TRIM11: variants seen among roughly 807,000 people sequenced by gnomAD.
TRIM11 encodes E3 ubiquitin-protein ligase TRIM11.
Under a neutral mutation model 33.4 loss-of-function variants are expected in TRIM11, and 15 were observed. The ratio of observed to expected loss-of-function variants is 0.45; its 90% CI spans 0.30 to 0.69. TRIM11 has a LOEUF of 0.69. TRIM11 is among the 30% of genes least tolerant of loss of function. The probability of loss-of-function intolerance (pLI) is 0.08; values close to 1 mark genes in which losing one functional copy is unlikely to be tolerated. For missense variants in TRIM11, 499 were observed against 667.6 expected (o/e 0.75, Z 2.78); for synonymous variants, 281 against 302.6 (o/e 0.93, Z 0.74).
chr1:228,397,852 A>G (rs2074999958), intron 3 of TRIM11, among the ~76,000 whole-genome samples: 1 of 152,206 alleles, frequency 6.6e-6, no homozygotes, highest in Non-Finnish European at 1.5e-5. Context: ...GTCTCATAAG[A>G]AGGGGCGACT....
At position 228,394,752 on chromosome 1, in the gene TRIM11, T is replaced by C. The variant is rs572291808; in HGVS notation, c.1360A>G (p.Ile454Val). Residue 454 changes from isoleucine to valine, a missense_variant, in exon 6 of 6, where the codon ATC becomes GTC. By Grantham distance (29) the Ile-to-Val change is conservative (BLOSUM62 3). Coordinates refer to ENST00000284551, the MANE Select transcript of TRIM11 (RefSeq NM_145214.3). The surrounding 1 kb of genome is among the most constrained non-coding windows in gnomAD (Gnocchi z 6.2). Reference sequence around the variant, plus strand: ...CCGGACCCACCTTTCGGCCGGCAGATAGTCATCGGGGTCGGGCTGCTGGAC... The same window carrying C: ...CCGGACCCACCTTTCGGCCGGCAGACAGTCATCGGGGTCGGGCTGCTGGAC... ...PLSSSPTPMT[I>V]CRPKGGSGDT... 55 of 1,612,720 alleles carry C rather than the reference T, an allele frequency of 3.4e-5. No individual in the cohort carries two copies. In the South Asian group the frequency reaches 4.9e-4, roughly 15 times the overall value.
chr1:228,398,235 A>C, intron 3 of TRIM11, among the ~76,000 whole-genome samples: 1 of 152,216 alleles, frequency 6.6e-6, no homozygotes, highest in Non-Finnish European at 1.5e-5. Context: ...TCAGTAAGAC[A>C]TAATCCCAGA....
chr1:228,404,491 A>G (rs1656334602), intron 1 of TRIM11: 1 of 152,288 alleles, frequency 6.6e-6, no homozygotes, highest in South Asian at 2.1e-4. Flanking sequence ...TGTGGTTAAC[A>G]TAACCTAGGC....
chr1:228,396,638 G>T, intron 5 of TRIM11: 1 of 705,872 alleles, frequency 1.4e-6, no homozygotes, highest in South Asian at 1.5e-5. Flanking sequence ...AGTCTTATGG[G>T]ACTGAGCCCT....
Position 228,406,652 on chromosome 1 carries a change from G to A in TRIM11, c.-91C>T. On this transcript the variant is annotated 5_prime_UTR_variant, in exon 1 of 6. Transcript: ENST00000284551. The surrounding 1 kb of genome is among the most constrained non-coding windows in gnomAD (Gnocchi z 8.2). ...GCGGGGACGCGGGGTATCCGGGTGC[G>A]GCGGCGCAGGCTCGGGCACTCCGGG... The A allele has an allele frequency of 7.9e-7, 1 of 1,258,482 alleles. No homozygotes were observed. Among genetic ancestry groups the A allele is most frequent in the Non-Finnish European group, 1.0e-6 (1 of 984,554 alleles). The allele number at this position is 1,258,482 out of a possible 1,614,324, so 78.0% of individuals were successfully genotyped here. A position where few individuals can be genotyped will look rare whatever the true frequency, so the allele number is the denominator to read the frequency against.
At position 228,406,271 on chromosome 1, in the gene TRIM11, C is replaced by T. The variant is rs1656413251; in HGVS notation, c.291G>A (p.Glu97=). 4 of 1,494,758 alleles carry T rather than the reference C, an allele frequency of 2.7e-6. No homozygotes were observed. The highest frequency in any genetic ancestry group is 3.5e-6 in the Non-Finnish European group (4 of 1,128,764). 92.6% of individuals were successfully genotyped at this position (1,494,758 alleles called of 1,614,324 possible). ...VPQGVCPAHR[E]PLAAFCGDEL... ...CGTCGCCACAGAAGGCGGCCAGTGG[C>T]TCGCGGTGCGCGGGGCACACGCCCT... The change falls in exon 1 of 6, where the codon GAG becomes GAA. Residue 97 remains glutamate, a synonymous_variant. Coordinates refer to ENST00000284551, the MANE Select transcript of TRIM11 (RefSeq NM_145214.3). This position sits in a 1 kb window ranked among gnomAD's most constrained non-coding sequence, Gnocchi z 8.2.
rs1338898122 is a variant in TRIM11, at chr1:228,394,966, G to C, written c.1146C>G (p.Phe382Leu). 6.2e-7 allele frequency: 1 copy of C among 1,614,162 alleles called. No individual in the cohort carries two copies. Among genetic ancestry groups the C allele is most frequent in the Non-Finnish European group, 8.5e-7 (1 of 1,180,016 alleles). ...CCGAGGAATTGTAATAGCTCCCCAG[G>C]AAGACCAGGATCCAGAAGCCGTTGC... is the stretch of plus-strand genomic sequence containing the variant. ...SAGNGFWILV[F>L]LGSYYNSSER... The change falls in exon 6 of 6, where the codon TTC (phenylalanine) becomes TTG (leucine). Residue 382 changes from phenylalanine (F) to leucine (L), a missense_variant. By Grantham distance (22) the Phe-to-Leu change is conservative. Transcript: ENST00000284551. The surrounding 1 kb of genome is among the most constrained non-coding windows in gnomAD (Gnocchi z 6.2).
chr1:228,397,248 G>A (rs2074994869), intron 3 of TRIM11, 83 bp from the exon 4 acceptor site: 3 of 1,502,132 alleles, frequency 2.0e-6, no homozygotes, highest in Non-Finnish European at 2.7e-6. Flanking sequence ...CTGGAGCCTC[G>A]CCCCGTCCCC....
chr1:228,404,803 C>T (rs1345139836), intron 1 of TRIM11: 3 of 152,258 alleles, frequency 2.0e-5, no homozygotes, highest in Non-Finnish European at 4.4e-5. Flanking sequence ...AATCCCATTT[C>T]TGTGTCCAGT....
intron 5 of TRIM11, chr1:228,396,564 G>A (rs923930249): frequency 3.1e-6 from 2 of 642,284 alleles, no homozygotes; most frequent in African/African-American, 3.6e-5. Flanking sequence ...CATCTGCAGA[G>A]GCGCTGAGGG....
chr1:228,399,879 C>CAAA (rs55896989), intron 3 of TRIM11, among the ~76,000 whole-genome samples: 2 of 115,956 alleles, frequency 1.7e-5, no homozygotes, highest in Non-Finnish European at 3.4e-5. Context: ...CTTAAATCTA[C>CAAA]AAAAAAAAAA....
rs568228379 is a variant in TRIM11 at position 228,395,860 on chromosome 1, G to A, written c.860-608C>T. 6.6e-6 allele frequency: 1 copy of A among 152,388 alleles called. No homozygotes were observed. The highest frequency in any genetic ancestry group is 2.4e-5 in the African/African-American group (1 of 41,554). The allele number at this position is 152,388 out of a possible 1,614,324, so 9.4% of individuals were successfully genotyped here. On this transcript the variant is annotated intron_variant, in intron 5 of 5. Transcript: ENST00000284551. The surrounding 1 kb of genome is among the most constrained non-coding windows in gnomAD (Gnocchi z 4.8). The stretch of plus-strand genomic sequence containing the variant: ...CTTTCAATCTCCAAATGAAGGATGT[G>A]AATTAGGGCAGCTGTCCCAACCCTG...
chr1:228,394,465 T>G lies in TRIM11; in HGVS notation c.*240A>C. The stretch of plus-strand genomic sequence containing the variant: ...CCAGCTTTGGTAAGGGCTGTTGGCA[T>G]TAAGTGGCACCCGGTGGCTGGAGGG... On this transcript the variant is annotated 3_prime_UTR_variant, in exon 6 of 6. Transcript: ENST00000284551. This position sits in a 1 kb window ranked among gnomAD's most constrained non-coding sequence, Gnocchi z 6.2. The G allele has an allele frequency of 7.5e-6, 4 of 531,310 alleles. No individual in the cohort carries two copies. In the East Asian group the frequency reaches 9.3e-5, roughly 12 times the overall value. The allele number at this position is 531,310 out of a possible 1,614,324, so 32.9% of individuals were successfully genotyped here. A position where few individuals can be genotyped will look rare whatever the true frequency, so the allele number is the denominator to read the frequency against.
chr1:228,397,939 G>A (rs1300155401), intron 3 of TRIM11, among the ~76,000 whole-genome samples: 2 of 152,204 alleles, frequency 1.3e-5, no homozygotes, highest in Non-Finnish European at 2.9e-5. Flanking sequence ...CAAGAGATAG[G>A]CCTCAGGGGG....
chr1:228,402,199 C>T (rs1226862974), intron 1 of TRIM11, 38 bp from the exon 2 acceptor site: 1 of 1,549,440 alleles, frequency 6.5e-7, no homozygotes, highest in East Asian at 2.3e-5. Context: ...AGACATGAGT[C>T]CTGTCACAGA....
Position 228,406,555 on chromosome 1 carries a change from C to T in TRIM11, c.7G>A (p.Ala3Thr), listed in dbSNP as rs749516198. The change falls in exon 1 of 6, where the codon GCC becomes ACC. Residue 3 changes from alanine to threonine, a missense_variant. Ala to Thr is a moderately conservative substitution (Grantham distance 58). Transcript: ENST00000284551. The surrounding 1 kb of genome is among the most constrained non-coding windows in gnomAD (Gnocchi z 8.2). MA[A>T]PDLSTNLQEE... ...TGGAGGTTGGTGGACAGGTCGGGGG[C>T]GGCCATGGCGCGGACAGAGGGGAGG... is the stretch of plus-strand genomic sequence containing the variant. The T allele has an allele frequency of 2.6e-6, 4 of 1,524,836 alleles. No individual in the cohort carries two copies. The highest frequency in any genetic ancestry group is 1.9e-5 in the Admixed American group (1 of 52,686). The allele number at this position is 1,524,836 out of a possible 1,614,324, so 94.5% of individuals were successfully genotyped here.
Position 228,394,723 on chromosome 1 carries a change from G to A in TRIM11, c.1389C>T (p.Asp463=), listed in dbSNP as rs754265533. ...TICRPKGGSG[D]TLAPQ ...GCCCGAGTCACTGGGGAGCCAGGGT[G>A]TCCCCGGACCCACCTTTCGGCCGGC... is the stretch of plus-strand genomic sequence containing the variant. Residue 463 remains aspartate, a synonymous_variant, in exon 6 of 6, where the codon GAC becomes GAT. Coordinates refer to ENST00000284551, the MANE Select transcript of TRIM11 (RefSeq NM_145214.3). This position sits in a 1 kb window ranked among gnomAD's most constrained non-coding sequence, Gnocchi z 6.2. The A allele has an allele frequency of 6.2e-7, 1 of 1,605,024 alleles. No individual in the cohort carries two copies. The highest frequency in any genetic ancestry group is 8.5e-7 in the Non-Finnish European group (1 of 1,173,798).
chr1:228,397,366 G>T, intron 3 of TRIM11: 1 of 635,578 alleles, frequency 1.6e-6, no homozygotes, highest in Non-Finnish European at 2.8e-6. Flanking sequence ...TGACATGTGT[G>T]CCAGGAGGCA....
chr1:228,403,617 C>T lies in TRIM11; in HGVS notation c.409-1456G>A, dbSNP rs1656304148. The stretch of plus-strand genomic sequence containing the variant: ...ACCTCAAACACTTGGCCCAGTGCCT[C>T]TCACTTCTCCCTCAATGCCTCAGTC... On this transcript the variant is annotated intron_variant, in intron 1 of 5. Coordinates refer to ENST00000284551, the MANE Select transcript of TRIM11 (RefSeq NM_145214.3). The surrounding 1 kb of genome is among the most constrained non-coding windows in gnomAD (Gnocchi z 4.8). 1 of 152,362 alleles carries T rather than the reference C, an allele frequency of 6.6e-6. No individual in the cohort carries two copies. The highest frequency in any genetic ancestry group is 1.5e-5 in the Non-Finnish European group (1 of 68,116). 9.4% of individuals were successfully genotyped at this position (152,362 alleles called of 1,614,324 possible).
Sources: allele counts gnomAD v4.1 joint callset (sites outside exome capture counted in the v4.1 genomes callset), GRCh38; gene constraint gnomAD v4.1.1; non-coding constraint Gnocchi (gnomAD v3.1); transcripts MANE v1.5; gene names NCBI Gene and HGNC (gene_info 2026-07-23, HGNC 2026-07-21).